Variants in ZNF562 observed in about 807,000 individuals in gnomAD.
The protein encoded by ZNF562 is zinc finger protein 562.
A neutral mutation model predicts 17.5 loss-of-function variants in ZNF562; 13 were observed. The observed-to-expected ratio is 0.74, with a 90% confidence interval of 0.48 to 1.18. ZNF562 has a LOEUF of 1.18. Among genes scored for constraint, ZNF562 ranks in the 50% most tolerant of loss-of-function variants. The probability of loss-of-function intolerance (pLI) is 0.00; values close to 1 mark genes in which losing one functional copy is unlikely to be tolerated. For missense variants in ZNF562, 481 were observed against 498.5 expected (o/e 0.96, Z 0.33); for synonymous variants, 163 against 165.4 (o/e 0.99, Z 0.11).
rs1272480999 is a variant in ZNF562, at chr19:9,649,410, G to T, written c.*3539C>A. 1 of 152,170 alleles carries T rather than the reference G, an allele frequency of 6.6e-6. No homozygotes were observed. 9.4% of individuals were successfully genotyped at this position (152,170 alleles called of 1,614,324 possible). Reference sequence around the variant, plus strand: ...GAGATAACCTTAAATTCTGACCGCCGGTGAGCCAGGTGGAACAAAGCCACA... The same window carrying T: ...GAGATAACCTTAAATTCTGACCGCCTGTGAGCCAGGTGGAACAAAGCCACA... On this transcript the variant is annotated 3_prime_UTR_variant, in exon 6 of 6. Transcript: ENST00000453372.
intron 1 of ZNF562, among the ~76,000 whole-genome samples, chr19:9,671,030 G>A (rs995820919): frequency 5.3e-5 from 8 of 150,672 alleles, no homozygotes; most frequent in Admixed American, 2.7e-4. Context: ...TTGATTCATC[G>A]GTAAAATATA....
intron 1 of ZNF562, among the ~76,000 whole-genome samples, chr19:9,668,901 A>G (rs1311077381): frequency 6.6e-6 from 1 of 152,206 alleles, no homozygotes; most frequent in Non-Finnish European, 1.5e-5. Context: ...TGCTGCTGGG[A>G]AAACTGGATA....
intron 1 of ZNF562, among the ~76,000 whole-genome samples, chr19:9,665,184 T>C (rs151312407): frequency 1.2e-4 from 18 of 146,948 alleles, no homozygotes; most frequent in African/African-American, 4.3e-4. Context: ...ATCGTGCCAC[T>C]GCACTCCAGC....
intron 5 of ZNF562, among the ~76,000 whole-genome samples, chr19:9,655,727 T>C (rs1254011484): frequency 2.4e-4 from 26 of 106,200 alleles, no homozygotes; most frequent in African/African-American, 8.1e-4. Flanking sequence ...CTTTTTTTTT[T>C]TTTTTTTTTT....
chr19:9,673,888 T>A (rs1176348040), intron 1 of ZNF562, among the ~76,000 whole-genome samples: 1 of 152,046 alleles, frequency 6.6e-6, no homozygotes, highest in African/African-American at 2.4e-5. Context: ...ACGCCTGGAA[T>A]CCCAGCTACT....
intron 1 of ZNF562, among the ~76,000 whole-genome samples, chr19:9,662,497 G>A (rs1036931227): frequency 4.6e-5 from 7 of 151,646 alleles, no homozygotes; most frequent in Non-Finnish European, 8.8e-5. Context: ...GGGAGGCAGA[G>A]GTTGCAGTGA....
At position 9,653,498 on chromosome 19, in the gene ZNF562, G is replaced by C; in HGVS notation, c.732C>G (p.Ser244=). Residue 244 remains serine (S), a synonymous_variant, in exon 6 of 6, where the codon TCC becomes TCG. Coordinates refer to ENST00000453372, the MANE Select transcript of ZNF562 (RefSeq NM_001130031.2). ...FQECERAITT[S]SHLKQCVAVH... is the part of the protein sequence containing the mutation. The stretch of plus-strand genomic sequence containing the variant: ...CTGCTACACACTGCTTTAAGTGTGA[G>C]GAAGTTGTGATGGCTCTCTCACATT... 6.2e-7 allele frequency: 1 copy of C among 1,614,192 alleles called. No individual in the cohort carries two copies. The highest frequency in any genetic ancestry group is 8.5e-7 in the Non-Finnish European group (1 of 1,180,036).
At position 9,658,145 on chromosome 19, in the gene ZNF562, C is replaced by T. The variant is rs763910853; in HGVS notation, c.115-10G>A. ...CAAACGTCACTGAATCCTAAGTCAT[C>T]AAACACATGCTGGTTTGAGCCAATG... On this transcript the variant is annotated splice_polypyrimidine_tract_variant and intron_variant, in intron 3 of 5. Coordinates refer to ENST00000453372, the MANE Select transcript of ZNF562 (RefSeq NM_001130031.2). 9.9e-6 allele frequency: 16 copies of T among 1,610,480 alleles called. No homozygotes were observed. The highest frequency in any genetic ancestry group is 1.2e-5 in the Non-Finnish European group (14 of 1,178,278).
intron 1 of ZNF562, among the ~76,000 whole-genome samples, chr19:9,672,403 T>C (rs1383650626): frequency 6.6e-6 from 1 of 152,168 alleles, no homozygotes; most frequent in African/African-American, 2.4e-5. Context: ...CAATTTATGC[T>C]CAATTTACAC....
In ZNF562 at chr19:9,648,246, G is replaced by A. The variant is rs2074822787; in HGVS notation, c.*4703C>T. On this transcript the variant is annotated 3_prime_UTR_variant, in exon 6 of 6. Coordinates refer to ENST00000453372, the MANE Select transcript of ZNF562 (RefSeq NM_001130031.2). Reference sequence around the variant, plus strand: ...TTATGTCACAGTCGAGCTTATCCAGGAATACAAGGTTGATGTAACATTGGA... The same window carrying A: ...TTATGTCACAGTCGAGCTTATCCAGAAATACAAGGTTGATGTAACATTGGA... 1 of 152,166 alleles carries A rather than the reference G, an allele frequency of 6.6e-6. No individual in the cohort carries two copies. Among genetic ancestry groups the A allele is most frequent in the African/African-American group, 2.4e-5 (1 of 41,448 alleles). 9.4% of individuals were successfully genotyped at this position (152,166 alleles called of 1,614,324 possible).
intron 1 of ZNF562, among the ~76,000 whole-genome samples, chr19:9,674,036 G>T (rs1316707393): frequency 6.6e-6 from 1 of 152,200 alleles, no homozygotes; most frequent in Non-Finnish European, 1.5e-5. Context: ...GAGCAATGGT[G>T]AGCACACACC....
At chr19:9,653,996 T>C in intron 5 of ZNF562, 115 bp from the exon 6 acceptor site, 7 of 1,232,658 alleles carry the variant, frequency 5.7e-6, no homozygotes, top group Non-Finnish European at 1.1e-6. Context: ...TGTTTAATTT[T>C]TTTTTTTTTT....
At chr19:9,659,515 T>G (rs1433411091) in intron 2 of ZNF562, 48 bp from the exon 3 acceptor site, 8 of 1,538,984 alleles carry the variant, frequency 5.2e-6, no homozygotes, top group Middle Eastern at 1.7e-4. Flanking sequence ...GCCCACATTC[T>G]TATGCCCAGA....
intron 1 of ZNF562, among the ~76,000 whole-genome samples, chr19:9,670,334 C>G (rs1210692001): frequency 6.6e-6 from 1 of 151,910 alleles, no homozygotes; most frequent in Non-Finnish European, 1.5e-5. Flanking sequence ...GGGTATATAT[C>G]CAAAAGAAAG....
At chr19:9,663,378 C>A (rs1420728361) in intron 1 of ZNF562, among the ~76,000 whole-genome samples, 1 of 149,520 alleles carries the variant, frequency 6.7e-6, no homozygotes, top group Admixed American at 6.7e-5. Context: ...CCACTGCACT[C>A]CAGCCTGGGT....
rs77676822 is a variant in ZNF562, at chr19:9,661,230, G to A, written c.-130-356C>T. 3.7e-4 allele frequency among the ~76,000 whole-genome samples: 56 copies of A among 152,118 alleles called. No homozygotes were observed. The East Asian group carries it at 0.011, about 29-fold the overall frequency. Reference sequence around the variant, plus strand: ...AATGACACAACAACAGCTCTCTGTAGCCTACATTTCCCGGGCTCAAGTGAT... The same window carrying A: ...AATGACACAACAACAGCTCTCTGTAACCTACATTTCCCGGGCTCAAGTGAT... On this transcript the variant is annotated intron_variant, in intron 1 of 5. Coordinates refer to ENST00000453372, the MANE Select transcript of ZNF562 (RefSeq NM_001130031.2).
chr19:9,646,779 T>C lies in ZNF562; in HGVS notation c.*6170A>G, dbSNP rs1477538212. 6.6e-6 allele frequency: 1 copy of C among 151,702 alleles called. No individual in the cohort carries two copies. The highest frequency in any genetic ancestry group is 1.9e-4 in the East Asian group (1 of 5,190). The allele number at this position is 151,702 out of a possible 1,614,324, so 9.4% of individuals were successfully genotyped here. A position where few individuals can be genotyped will look rare whatever the true frequency, so the allele number is the denominator to read the frequency against. Reference sequence around the variant, plus strand: ...GCAAGCCTTAGTTGTCTTTTTTTTTTTTTTTTTATGAGATGGAGTTTTGCT... The same window carrying C: ...GCAAGCCTTAGTTGTCTTTTTTTTTCTTTTTTTATGAGATGGAGTTTTGCT... On this transcript the variant is annotated 3_prime_UTR_variant, in exon 6 of 6. Transcript: ENST00000453372.
rs2074785366 is a variant in ZNF562 at position 9,643,339 on chromosome 19, G to C, written c.*9610C>G. ...ACTGCACTCCAGCCTGGGTGACAGA[G>C]CGAGACTCTGTCATTCATAAATAAA... On this transcript the variant is annotated 3_prime_UTR_variant, in exon 6 of 6. Transcript: ENST00000453372. 1 of 151,924 alleles carries C rather than the reference G, an allele frequency of 6.6e-6. No individual in the cohort carries two copies. The highest frequency in any genetic ancestry group is 6.6e-5 in the Admixed American group (1 of 15,258). The allele number at this position is 151,924 out of a possible 1,614,324, so 9.4% of individuals were successfully genotyped here. A position where few individuals can be genotyped will look rare whatever the true frequency, so the allele number is the denominator to read the frequency against.
In ZNF562 at chr19:9,653,811, A is replaced by G; in HGVS notation, c.419T>C (p.Leu140Pro). The G allele has an allele frequency of 6.2e-7, 1 of 1,613,190 alleles. No homozygotes were observed. The highest frequency in any genetic ancestry group is 8.5e-7 in the Non-Finnish European group (1 of 1,179,614). The change falls in exon 6 of 6, where the codon CTT (leucine) becomes CCT (proline). Residue 140 changes from leucine to proline, a missense_variant. Physicochemically the swap from Leu to Pro is moderately conservative, Grantham distance 98. Coordinates refer to ENST00000453372, the MANE Select transcript of ZNF562 (RefSeq NM_001130031.2). ...CGEVFSEQFC[L>P]KTHMRAQNGG... is the part of the protein sequence containing the mutation. The stretch of plus-strand genomic sequence containing the variant: ...ATTCTGAGCTCTCATGTGTGTCTTA[A>G]GGCAAAACTGTTCACTGAAGACCTC...
Sources: gnomAD v4.1 joint callset for allele counts (sites outside exome capture counted in the v4.1 genomes callset) on GRCh38, gnomAD v4.1.1 for gene constraint, MANE v1.5 for transcripts, NCBI Gene and HGNC (gene_info 2026-07-23, HGNC 2026-07-21) for gene names.